BRWD3: variants seen among roughly 807,000 people sequenced by gnomAD.
BRWD3 encodes bromodomain and WD repeat-containing protein 3.
BRWD3 carries 10 observed loss-of-function variants against 149.7 expected under a neutral mutation model. The ratio of observed to expected loss-of-function variants is 0.07; its 90% CI spans 0.04 to 0.11. BRWD3 has a LOEUF of 0.11. Among genes scored for constraint, BRWD3 ranks in the 10% least tolerant of loss-of-function variants. BRWD3 has a pLI of 1.00. For synonymous variants in BRWD3, 504 were observed against 456.7 expected (o/e 1.10, Z -1.32); for missense variants, 940 against 1,373.2 (o/e 0.68, Z 4.99).
chrX:80,681,516 T>A lies in BRWD3; in HGVS notation c.4496-17A>T. 1.7e-6 allele frequency: 2 copies of A among 1,157,020 alleles called. No individual in the cohort carries two copies. Among genetic ancestry groups the A allele is most frequent in the Non-Finnish European group, 1.2e-6 (1 of 846,715 alleles). On this transcript the variant is annotated splice_polypyrimidine_tract_variant and intron_variant, in intron 39 of 40. Coordinates refer to ENST00000373275, the MANE Select transcript of BRWD3 (RefSeq NM_153252.5). ...CATCTGAAACTTACATTTTAAAAGA[T>A]TTTAATACTAACATAATTATCATGT... is the stretch of plus-strand genomic sequence containing the variant.
chrX:80,809,700 GGAGA>G lies in BRWD3; in HGVS notation c.-233_-230del, dbSNP rs545281823. 8 of 310,027 alleles carry G rather than the reference GGAGA, an allele frequency of 2.6e-5. No individual in the cohort carries two copies. Among genetic ancestry groups the G allele is most frequent in the South Asian group, 5.7e-5 (1 of 17,477 alleles). 25.5% of individuals were successfully genotyped at this position (310,027 alleles called of 1,213,427 possible). A position where few individuals can be genotyped will look rare whatever the true frequency, so the allele number is the denominator to read the frequency against. ...AGGAGGAAGGAGAGGAGAGGGAGAG[GGAGA>G]GAGAGAGTGAGTGAGTGAGAGAGAG... On this transcript the variant is annotated 5_prime_UTR_variant, in exon 1 of 41. Coordinates refer to ENST00000373275, the MANE Select transcript of BRWD3 (RefSeq NM_153252.5).
intron 6 of BRWD3, among the ~76,000 whole-genome samples, chrX:80,754,933 A>T (rs1400108246): frequency 9.0e-6 from 1 of 111,547 alleles, no homozygotes; most frequent in Admixed American, 9.6e-5. Context: ...TCTTGAACCC[A>T]GAAGGCGGAG....
chrX:80,728,423 C>A (rs891053958), intron 14 of BRWD3, among the ~76,000 whole-genome samples: 5 of 111,296 alleles, frequency 4.5e-5, no homozygotes, highest in Non-Finnish European at 9.5e-5. Flanking sequence ...AAATAAGGTA[C>A]GCTCTACCCC....
At chrX:80,709,396 C>T (rs756366780) in intron 21 of BRWD3, 32 bp downstream of exon 21, 61 of 1,173,793 alleles carry the variant, frequency 5.2e-5, no homozygotes, top group Non-Finnish European at 6.9e-5. Flanking sequence ...AAACAAAAAA[C>T]TACATCAAAT....
chrX:80,683,186 CACTT>C (rs956185095), intron 37 of BRWD3, among the ~76,000 whole-genome samples: 5 of 111,206 alleles, frequency 4.5e-5, no homozygotes, highest in African/African-American at 1.6e-4. Flanking sequence ...ACATTCATAA[CACTT>C]AAGTAACAAA....
intron 6 of BRWD3, among the ~76,000 whole-genome samples, chrX:80,752,107 G>A (rs760969213): frequency 1.3e-4 from 14 of 107,485 alleles, no homozygotes; most frequent in Non-Finnish European, 2.7e-4. Flanking sequence ...AGACCTCCTG[G>A]GCTCAACTGA....
At chrX:80,719,455 A>C (rs1489389107) in intron 18 of BRWD3, 34 bp downstream of exon 18, 8 of 1,145,567 alleles carry the variant, frequency 7.0e-6, no homozygotes. Flanking sequence ...TACAGTACAT[A>C]AACTACACCC....
intron 33 of BRWD3, 135 bp from the exon 34 acceptor site, chrX:80,688,260 G>T (rs768749794): frequency 1.4e-4 from 72 of 515,368 alleles, no homozygotes; most frequent in Middle Eastern, 5.3e-4. Context: ...TAGAACAAAA[G>T]ATAGAGGGAG....
chrX:80,792,293 T>A (rs2074190010), intron 5 of BRWD3, among the ~76,000 whole-genome samples: 1 of 111,975 alleles, frequency 8.9e-6, no homozygotes, highest in African/African-American at 3.2e-5. Context: ...ACACGTCTAT[T>A]CATATAAAAC....
chrX:80,688,169 CA>C (rs1254230091), intron 33 of BRWD3, 44 bp from the exon 34 acceptor site: 1 of 1,008,749 alleles, frequency 9.9e-7, no homozygotes. Flanking sequence ...AAGTTACATT[CA>C]AAGTCATATA....
intron 23 of BRWD3, 59 bp downstream of exon 23, chrX:80,704,614 TTTAAG>T (rs1380497621): frequency 3.0e-6 from 3 of 1,013,638 alleles, no homozygotes; most frequent in Non-Finnish European, 4.1e-6. Flanking sequence ...CAATTAAATA[TTTAAG>T]TTATCAAAGG....
chrX:80,746,630 G>C (rs1391346336), intron 6 of BRWD3, among the ~76,000 whole-genome samples: 5 of 110,952 alleles, frequency 4.5e-5, no homozygotes, highest in African/African-American at 1.6e-4. Flanking sequence ...CAAAACATAG[G>C]CTCCCTATAA....
At chrX:80,798,762 A>G (rs1352490954) in intron 4 of BRWD3, among the ~76,000 whole-genome samples, 1 of 111,911 alleles carries the variant, frequency 8.9e-6, no homozygotes, top group Non-Finnish European at 1.9e-5. Context: ...TGAGACCTCC[A>G]TCTCTACCAA....
chrX:80,790,673 C>G (rs1408774697), intron 6 of BRWD3, among the ~76,000 whole-genome samples: 1 of 111,267 alleles, frequency 9.0e-6, no homozygotes, highest in East Asian at 2.8e-4. Flanking sequence ...ATAAAGAAAG[C>G]CTGTAAACCT....
intron 6 of BRWD3, among the ~76,000 whole-genome samples, chrX:80,768,874 G>A (rs1319310035): frequency 9.1e-6 from 1 of 109,499 alleles, no homozygotes; most frequent in Admixed American, 9.8e-5. Flanking sequence ...CAAAATAAAG[G>A]GAAGGAGGAA....
rs1188518508 is a variant in BRWD3 at position 80,709,516 on chromosome X, G to C, written c.2387C>G (p.Thr796Ser). The C allele has an allele frequency of 4.1e-6, 5 of 1,208,054 alleles. No individual in the cohort carries two copies. The highest frequency in any genetic ancestry group is 5.6e-6 in the Non-Finnish European group (5 of 893,860). ...LRRTQRKRQH[T>S]YQTRSNIEHN... is the part of the protein sequence containing the mutation. ...CTCTATGTTGGACCGTGTTTGGTAA[G>C]TATGCTGACGTTTGCGCTGTGTCCT... is the stretch of plus-strand genomic sequence containing the variant. Residue 796 changes from threonine (T) to serine (S), a missense_variant, in exon 21 of 41, where the codon ACT (threonine) becomes AGT (serine). Physicochemically the swap from Thr to Ser is moderately conservative, Grantham distance 58. Transcript: ENST00000373275.
At chrX:80,795,766 GAAC>G (rs946075167) in intron 4 of BRWD3, among the ~76,000 whole-genome samples, 8 of 108,976 alleles carry the variant, frequency 7.3e-5, no homozygotes, top group Admixed American at 4.0e-4. Flanking sequence ...GAAAAAAAAA[GAAC>G]AACAACAACA....
At chrX:80,756,766 G>T (rs1246925755) in intron 6 of BRWD3, among the ~76,000 whole-genome samples, 2 of 111,067 alleles carry the variant, frequency 1.8e-5, no homozygotes, top group East Asian at 5.7e-4. Flanking sequence ...ACTTCCTTGG[G>T]GGGAGGAGAA....
At chrX:80,686,184 A>G (rs1444602841) in intron 35 of BRWD3, among the ~76,000 whole-genome samples, 2 of 102,486 alleles carry the variant, frequency 2.0e-5, no homozygotes, top group Admixed American at 2.2e-4. Flanking sequence ...CAAACACCGC[A>G]TGTTCTCACG....
Sources: gnomAD v4.1 joint callset for allele counts (sites outside exome capture counted in the v4.1 genomes callset) on GRCh38, gnomAD v4.1.1 for gene constraint, MANE v1.5 for transcripts, NCBI Gene and HGNC (gene_info 2026-07-23, HGNC 2026-07-21) for gene names.